EPHB2: variants seen among roughly 807,000 people sequenced by gnomAD.
The protein encoded by EPHB2 is ephrin type-B receptor 2.
A neutral mutation model predicts 96.4 loss-of-function variants in EPHB2; 18 were observed. The ratio of observed to expected loss-of-function variants is 0.19; its 90% confidence interval spans 0.13 to 0.28. EPHB2 has a LOEUF of 0.28. Among genes scored for constraint, EPHB2 ranks in the 10% least tolerant of loss-of-function variants. The pLI is 1.00. For missense variants in EPHB2, 989 were observed against 1,355.4 expected (o/e 0.73, Z 4.25); for synonymous variants, 506 against 534.1 (o/e 0.95, Z 0.72).
chr1:22,746,644 C>G (rs568718263), intron 1 of EPHB2, among the ~76,000 whole-genome samples: 28 of 152,330 alleles, frequency 1.8e-4, no homozygotes, highest in Non-Finnish European at 2.9e-5. Flanking sequence ...TACTGTGGAC[C>G]GTGGACCATG....
At chr1:22,711,722 C>T (rs1204561371) in intron 1 of EPHB2, among the ~76,000 whole-genome samples, 1 of 152,118 alleles carries the variant, frequency 6.6e-6, no homozygotes, top group Non-Finnish European at 1.5e-5. Flanking sequence ...CCGGCCACCG[C>T]CCCGCGGCCG....
At chr1:22,753,371 A>G (rs564311094) in intron 1 of EPHB2, among the ~76,000 whole-genome samples, 1 of 152,302 alleles carries the variant, frequency 6.6e-6, no homozygotes, top group Non-Finnish European at 1.5e-5. Context: ...CCCGTGCTGG[A>G]CACTTAAATG....
At chr1:22,735,142 G>T (rs1240416511) in intron 1 of EPHB2, among the ~76,000 whole-genome samples, 1 of 152,148 alleles carries the variant, frequency 6.6e-6, no homozygotes, top group Non-Finnish European at 1.5e-5. Flanking sequence ...AAGGACCTTT[G>T]CTGGGTACGG....
At chr1:22,812,345 C>A (rs1423804930) in intron 3 of EPHB2, among the ~76,000 whole-genome samples, 1 of 152,230 alleles carries the variant, frequency 6.6e-6, no homozygotes, top group Non-Finnish European at 1.5e-5. Flanking sequence ...CATGAGGCTT[C>A]CACTCGGAGT....
At chr1:22,724,993 G>A (rs1464469327) in intron 1 of EPHB2, among the ~76,000 whole-genome samples, 3 of 151,926 alleles carry the variant, frequency 2.0e-5, no homozygotes, top group Non-Finnish European at 2.9e-5. Flanking sequence ...CTCTTCCTGT[G>A]TGAAACCTGC....
chr1:22,796,142 G>C (rs1644763765), intron 3 of EPHB2, among the ~76,000 whole-genome samples: 1 of 152,204 alleles, frequency 6.6e-6, no homozygotes, highest in South Asian at 2.1e-4. Context: ...CAAAATAGCT[G>C]CTCTTTTGGA....
intron 3 of EPHB2, among the ~76,000 whole-genome samples, chr1:22,821,412 G>A (rs1008699316): frequency 3.9e-5 from 6 of 152,160 alleles, no homozygotes; most frequent in Admixed American, 3.9e-4. Context: ...TAATGCTGAT[G>A]TTTAGATGGA....
At chr1:22,862,261 G>T (rs1187352707) in intron 3 of EPHB2, among the ~76,000 whole-genome samples, 3 of 152,246 alleles carry the variant, frequency 2.0e-5, no homozygotes, top group Non-Finnish European at 2.9e-5. Flanking sequence ...CCAAATGAGG[G>T]CCGAGTGCAA....
chr1:22,857,224 A>T (rs1645713632), intron 3 of EPHB2, among the ~76,000 whole-genome samples: 1 of 152,144 alleles, frequency 6.6e-6, no homozygotes, highest in Non-Finnish European at 1.5e-5. Context: ...GGGAGTATTT[A>T]CACCACACAA....
intron 1 of EPHB2, among the ~76,000 whole-genome samples, chr1:22,754,026 C>T (rs932815848): frequency 3.3e-5 from 5 of 152,158 alleles, no homozygotes; most frequent in African/African-American, 1.2e-4. Context: ...CACTTAGATT[C>T]GTGATCCCCT....
intron 3 of EPHB2, among the ~76,000 whole-genome samples, chr1:22,801,362 A>G (rs1324170452): frequency 6.6e-6 from 1 of 151,992 alleles, no homozygotes; most frequent in Non-Finnish European, 1.5e-5. Flanking sequence ...TGCTCCAAGC[A>G]TTTTGCTGAC....
rs145299986 is a variant in EPHB2 at position 22,868,888 on chromosome 1, A to G, written c.1303+3676A>G. The stretch of plus-strand genomic sequence containing the variant: ...TTTCCCCACCAAATTGTACATAAGA[A>G]CTATATGTAAGCATGACTTCCAGAA... On this transcript the variant is annotated intron_variant, in intron 5 of 15. Transcript: ENST00000374630. Among the ~76,000 whole-genome samples the G allele has an allele frequency of 3.3e-5, 5 of 152,186 alleles. No individual in the cohort carries two copies. The East Asian group carries it at 9.7e-4, about 29-fold the overall frequency.
chr1:22,743,575 AT>A (rs1260665315), intron 1 of EPHB2, among the ~76,000 whole-genome samples: 3 of 152,144 alleles, frequency 2.0e-5, no homozygotes, highest in Admixed American at 6.5e-5. Flanking sequence ...AGTTCAAGTG[AT>A]TCTCGTGCCT....
At chr1:22,789,372 G>T (rs548372772) in intron 3 of EPHB2, among the ~76,000 whole-genome samples, 78 of 152,330 alleles carry the variant, frequency 5.1e-4, no homozygotes, top group African/African-American at 1.8e-3. Flanking sequence ...GATGGAGAGT[G>T]GGGGAGTCCT....
At chr1:22,853,086 C>T (rs750914452) in intron 3 of EPHB2, among the ~76,000 whole-genome samples, 1 of 152,234 alleles carries the variant, frequency 6.6e-6, no homozygotes, top group Admixed American at 6.5e-5. Flanking sequence ...CACGGTGGCT[C>T]ATGCCTGTAA....
At chr1:22,767,025 G>A (rs1330021592) in intron 1 of EPHB2, among the ~76,000 whole-genome samples, 2 of 152,210 alleles carry the variant, frequency 1.3e-5, no homozygotes, top group Non-Finnish European at 2.9e-5. Context: ...CAGGAACAAG[G>A]CCGGGTCTGC....
chr1:22,913,009 A>G lies in EPHB2; in HGVS notation c.2852+410A>G, dbSNP rs923816204. The G allele has an allele frequency of 8.5e-6, 3 of 351,410 alleles. No homozygotes were observed. The highest frequency in any genetic ancestry group is 4.3e-5 in the African/African-American group (2 of 47,054). The allele number at this position is 351,410 out of a possible 1,614,324, so 21.8% of individuals were successfully genotyped here. ...GGAGTTCAAGACCAGCCTGACCAAC[A>G]TGGTGAAACCCCGTCTCTACTAAAA... On this transcript the variant is annotated intron_variant, in intron 15 of 15. Coordinates refer to ENST00000374630, the MANE Select transcript of EPHB2 (RefSeq NM_017449.5). The surrounding 1 kb of genome is among the most constrained non-coding windows in gnomAD (Gnocchi z 4.1).
chr1:22,717,969 G>T (rs921234426), intron 1 of EPHB2, among the ~76,000 whole-genome samples: 1 of 152,202 alleles, frequency 6.6e-6, no homozygotes, highest in Admixed American at 6.5e-5. Flanking sequence ...TGTGAGCAAT[G>T]GATGTGTTAA....
Position 22,879,401 on chromosome 1 carries a change from G to A in EPHB2, c.1304-2958G>A, listed in dbSNP as rs779080008. Among the ~76,000 whole-genome samples, 87 of 152,328 alleles carry A rather than the reference G, an allele frequency of 5.7e-4. 1 individual carries two copies. The highest frequency in any genetic ancestry group is 2.4e-4 in the Non-Finnish European group (16 of 68,020). On this transcript the variant is annotated intron_variant, in intron 5 of 15. Transcript: ENST00000374630. ...TGGGACACCGACCACTGACAAGCCC[G>A]TGATGGGCAGACAGCCTGGACTTCA...
Sources: gnomAD v4.1 joint callset for allele counts (sites outside exome capture counted in the v4.1 genomes callset) on GRCh38, gnomAD v4.1.1 for gene constraint, Gnocchi (gnomAD v3.1) non-coding constraint, MANE v1.5 for transcripts, NCBI Gene and HGNC (gene_info 2026-07-23, HGNC 2026-07-21) for gene names.